CRISPLD2: variants seen among roughly 807,000 people sequenced by gnomAD.
CRISPLD2 encodes the protein cysteine-rich secretory protein LCCL domain-containing 2.
In CRISPLD2, 47 loss-of-function variants were observed where a neutral mutation model predicts 71.1. The observed-to-expected ratio is 0.66, with a 90% CI of 0.52 to 0.84. The LOEUF is 0.84. Among genes scored for constraint, CRISPLD2 ranks in the 40% least tolerant of loss-of-function variants. The pLI, the probability that CRISPLD2 is intolerant of heterozygous loss-of-function variation, is 0.00. For synonymous variants in CRISPLD2, 317 were observed against 250.1 expected (o/e 1.27, Z -2.52); for missense variants, 830 against 651.1 (o/e 1.27, Z -2.99).
At chr16:84,899,339 C>G (rs950093401) in intron 14 of CRISPLD2, among the ~76,000 whole-genome samples, 1 of 149,846 alleles carries the variant, frequency 6.7e-6, no homozygotes, top group African/African-American at 2.4e-5. Flanking sequence ...ATGGGAGTTA[C>G]AAGCTAATCC....
At position 84,906,659 on chromosome 16, in the gene CRISPLD2, G is replaced by A; in HGVS notation, c.*17G>A. On this transcript the variant is annotated 3_prime_UTR_variant, in exon 15 of 15. Coordinates refer to ENST00000262424, the MANE Select transcript of CRISPLD2 (RefSeq NM_031476.4). ...AGGCAGTGAATTTCCAGCACCAGGG[G>A]AGAAGGGGCGTCTTCAGGAGGGCTT... 3 of 1,614,114 alleles carry A rather than the reference G, an allele frequency of 1.9e-6. No individual in the cohort carries two copies. In the South Asian group the frequency reaches 3.3e-5, roughly 18 times the overall value.
rs181184036 is a variant in CRISPLD2, at chr16:84,873,108, C to A, written c.1098C>A (p.Gly366=). ...TCTTCGTGAAGTCTGAGAGACACGG[C>A]GTGCAGTCCCTCAGGTAACTACTCT... ...VPFFVKSERH[G]VQSLSKYKPS... is the part of the protein sequence containing the mutation. The change falls in exon 10 of 15, where the codon GGC becomes GGA. Residue 366 remains glycine, a synonymous_variant. Coordinates refer to ENST00000262424, the MANE Select transcript of CRISPLD2 (RefSeq NM_031476.4). The A allele has an allele frequency of 1.2e-6, 2 of 1,613,414 alleles. No homozygotes were observed. Among genetic ancestry groups the A allele is most frequent in the Admixed American group, 1.7e-5 (1 of 59,936 alleles).
At chr16:84,879,615 G>A (rs527620596) in intron 12 of CRISPLD2, among the ~76,000 whole-genome samples, 1 of 151,960 alleles carries the variant, frequency 6.6e-6, no homozygotes. Context: ...ACCCACCTCG[G>A]CCTCCCAAAG....
chr16:84,822,577 G>T (rs141531397), intron 1 of CRISPLD2, among the ~76,000 whole-genome samples: 11 of 152,118 alleles, frequency 7.2e-5, no homozygotes, highest in Non-Finnish European at 1.3e-4. Context: ...TTTTGCAAAC[G>T]CACTGGTTTT....
chr16:84,899,002 C>T (rs920894429), intron 14 of CRISPLD2, among the ~76,000 whole-genome samples: 4 of 152,198 alleles, frequency 2.6e-5, no homozygotes, highest in African/African-American at 7.2e-5. Context: ...AAGCAATCCT[C>T]CCACCTCAGC....
At chr16:84,871,973 C>T (rs1028859057) in intron 8 of CRISPLD2, among the ~76,000 whole-genome samples, 1 of 150,602 alleles carries the variant, frequency 6.6e-6, no homozygotes, top group African/African-American at 2.4e-5. Context: ...CAACCAACTG[C>T]AGATCAAAAA....
intron 1 of CRISPLD2, among the ~76,000 whole-genome samples, chr16:84,825,794 CATAAA>C (rs879759007): frequency 1.5e-4 from 22 of 151,650 alleles, no homozygotes; most frequent in African/African-American, 5.3e-4. Context: ...TACATAAATA[CATAAA>C]ATAAAAGAAG....
intron 2 of CRISPLD2, among the ~76,000 whole-genome samples, chr16:84,845,547 A>G (rs1916888788): frequency 6.6e-6 from 1 of 152,212 alleles, no homozygotes; most frequent in African/African-American, 2.4e-5. Flanking sequence ...CCCAGAGAGA[A>G]GGCACCTGCC....
At chr16:84,864,566 C>G (rs1335083419) in intron 6 of CRISPLD2, among the ~76,000 whole-genome samples, 3 of 152,238 alleles carry the variant, frequency 2.0e-5, no homozygotes, top group Non-Finnish European at 2.9e-5. Context: ...GAAGCTTCCA[C>G]CCATAGCTTT....
At chr16:84,894,297 T>C (rs1423888867) in intron 14 of CRISPLD2, among the ~76,000 whole-genome samples, 2 of 152,206 alleles carry the variant, frequency 1.3e-5, no homozygotes, top group East Asian at 3.8e-4. Flanking sequence ...TGGGTGAATG[T>C]CAGTTCAGAA....
chr16:84,868,945 C>T (rs754226615), intron 8 of CRISPLD2, 34 bp downstream of exon 8: 1 of 1,502,002 alleles, frequency 6.7e-7, no homozygotes, highest in Non-Finnish European at 9.1e-7. Flanking sequence ...GCCACTGTAG[C>T]CTCTGAGTCT....
intron 14 of CRISPLD2, among the ~76,000 whole-genome samples, chr16:84,894,558 G>C (rs1252302375): frequency 6.6e-6 from 1 of 152,112 alleles, no homozygotes; most frequent in African/African-American, 2.4e-5. Flanking sequence ...ATAGGGGTGT[G>C]GTCTGCTGTG....
At chr16:84,839,536 C>G (rs535514894) in intron 2 of CRISPLD2, 1 of 153,152 alleles carries the variant, frequency 6.5e-6, no homozygotes, top group Non-Finnish European at 1.5e-5. Context: ...CTTTGCTAAC[C>G]GGGAAAGGAG....
intron 6 of CRISPLD2, among the ~76,000 whole-genome samples, chr16:84,861,149 A>G (rs1035342552): frequency 2.6e-5 from 4 of 152,196 alleles, no homozygotes; most frequent in African/African-American, 7.2e-5. Context: ...AGTGTTCTCC[A>G]TACTATTAGA....
chr16:84,821,987 T>C (rs1382365127), intron 1 of CRISPLD2, among the ~76,000 whole-genome samples: 2 of 152,226 alleles, frequency 1.3e-5, no homozygotes, highest in Non-Finnish European at 2.9e-5. Context: ...CTGCCCCAGA[T>C]TCTGGGGGAA....
At chr16:84,892,023 C>T (rs2071667399) in intron 14 of CRISPLD2, among the ~76,000 whole-genome samples, 1 of 152,210 alleles carries the variant, frequency 6.6e-6, no homozygotes, top group African/African-American at 2.4e-5. Flanking sequence ...GCTCCTCAGA[C>T]TCTCTGCTCC....
intron 8 of CRISPLD2, among the ~76,000 whole-genome samples, chr16:84,870,659 G>A (rs890908674): frequency 6.6e-6 from 1 of 152,126 alleles, no homozygotes; most frequent in African/African-American, 2.4e-5. Flanking sequence ...TATTCTTCAC[G>A]CACTTCATGC....
intron 8 of CRISPLD2, 29 bp downstream of exon 8, chr16:84,868,940 T>C (rs761376049): frequency 6.6e-7 from 1 of 1,517,428 alleles, no homozygotes; most frequent in Non-Finnish European, 9.0e-7. Context: ...GTCCTGCCAC[T>C]GTAGCCTCTG....
intron 8 of CRISPLD2, among the ~76,000 whole-genome samples, chr16:84,869,909 A>G (rs1037295596): frequency 2.0e-5 from 3 of 152,128 alleles, no homozygotes; most frequent in Admixed American, 2.0e-4. Flanking sequence ...TTGTCAGACA[A>G]CATCGAGGCA....
Sources: allele counts gnomAD v4.1 joint callset (sites outside exome capture counted in the v4.1 genomes callset), GRCh38; gene constraint gnomAD v4.1.1; transcripts MANE v1.5; gene names NCBI Gene and HGNC (gene_info 2026-07-23, HGNC 2026-07-21).